SPAG9: variants seen among roughly 807,000 people sequenced by gnomAD.
The protein encoded by SPAG9 is sperm associated antigen 9.
In SPAG9, 35 loss-of-function variants were observed where a neutral mutation model predicts 166.5. The observed-to-expected ratio is 0.21, with a 90% CI of 0.16 to 0.28. The LOEUF (loss-of-function observed/expected upper bound fraction) is 0.28, where lower values mean the gene tolerates loss of function less well. SPAG9 is among the 10% of genes least tolerant of loss of function. The pLI, the probability that SPAG9 is intolerant of heterozygous loss-of-function variation, is 1.00. For missense variants in SPAG9, 1,235 were observed against 1,603.3 expected (o/e 0.77, Z 3.92); for synonymous variants, 534 against 565.5 (o/e 0.94, Z 0.79).
Position 50,984,990 on chromosome 17 carries a change from T to C in SPAG9, c.3021A>G (p.Val1007=). 1 of 1,614,088 alleles carries C rather than the reference T, an allele frequency of 6.2e-7. No homozygotes were observed. Among genetic ancestry groups the C allele is most frequent in the Non-Finnish European group, 8.5e-7 (1 of 1,179,964 alleles). The change falls in exon 24 of 30, where the codon GTA becomes GTG. Residue 1007 remains valine, a splice_region_variant and synonymous_variant. Transcript: ENST00000262013. The part of the protein sequence containing the change: ...IKLKDSILSI[V]HVKGIVLVAL... ...CTACTAACACGATTCCCTTCACGTG[T>C]CTGCAAACAGGAAAGGGGAGTTCAG...
intron 15 of SPAG9, among the ~76,000 whole-genome samples, chr17:50,997,354 T>C (rs1224177834): frequency 6.6e-6 from 1 of 152,162 alleles, no homozygotes; most frequent in Non-Finnish European, 1.5e-5. Flanking sequence ...TGTTGTTCAT[T>C]CAACAAATAT....
intron 6 of SPAG9, among the ~76,000 whole-genome samples, chr17:51,021,803 A>G (rs2144186785): frequency 6.7e-6 from 1 of 148,332 alleles, no homozygotes; most frequent in South Asian, 2.2e-4. Flanking sequence ...TGGTATTAAA[A>G]TATCCTGCAT....
intron 2 of SPAG9, among the ~76,000 whole-genome samples, chr17:51,069,583 T>C (rs142398061): frequency 1.1e-4 from 17 of 152,210 alleles, no homozygotes; most frequent in South Asian, 4.1e-4. Flanking sequence ...TTTAATTCCT[T>C]TAAATAAATT....
intron 2 of SPAG9, among the ~76,000 whole-genome samples, chr17:51,069,941 AAAG>A (rs752612151): frequency 1.8e-4 from 27 of 152,180 alleles, no homozygotes; most frequent in African/African-American, 6.5e-4. Context: ...GGGCGGAATT[AAAG>A]AAGAGTCTAA....
At chr17:50,971,924 C>T (rs537315624) in intron 28 of SPAG9, among the ~76,000 whole-genome samples, 5 of 152,154 alleles carry the variant, frequency 3.3e-5, no homozygotes, top group South Asian at 2.1e-4. Context: ...CCTGCCACAA[C>T]GCCCGGCTAA....
At chr17:51,048,328 T>G (rs144871027) in intron 3 of SPAG9, among the ~76,000 whole-genome samples, 3 of 152,014 alleles carry the variant, frequency 2.0e-5, no homozygotes, top group Non-Finnish European at 4.4e-5. Flanking sequence ...ACTAACATGA[T>G]ATGAATAAGA....
intron 12 of SPAG9, among the ~76,000 whole-genome samples, chr17:51,004,302 A>G (rs1320655942): frequency 6.6e-6 from 1 of 152,168 alleles, no homozygotes; most frequent in African/African-American, 2.4e-5. Flanking sequence ...ATGATTCATA[A>G]CCTGCATGTC....
At chr17:51,047,498 T>C (rs1381339160) in intron 3 of SPAG9, 29 bp from the exon 4 acceptor site, 8 of 1,038,340 alleles carry the variant, frequency 7.7e-6, no homozygotes, top group Non-Finnish European at 8.6e-6. Flanking sequence ...AAATACACAA[T>C]ATTTAAGGCT....
At chr17:51,117,981 AAT>A (rs2049342445) in intron 1 of SPAG9, among the ~76,000 whole-genome samples, 2 of 151,720 alleles carry the variant, frequency 1.3e-5, no homozygotes, top group African/African-American at 4.8e-5. Flanking sequence ...TAAAATACAA[AAT>A]ATATATACAT....
chr17:51,036,139 C>T (rs1197834422), intron 5 of SPAG9, among the ~76,000 whole-genome samples: 2 of 152,006 alleles, frequency 1.3e-5, no homozygotes, highest in African/African-American at 4.8e-5. Context: ...TCTATTGAAC[C>T]CTTCTTGTAA....
chr17:51,077,097 T>TATCTAGCTAGCTAG (rs1568065850), intron 2 of SPAG9, among the ~76,000 whole-genome samples: 1 of 115,668 alleles, frequency 8.6e-6, no homozygotes, highest in African/African-American at 3.4e-5. Context: ...TAGCTATCTA[T>TATCTAGCTAGCTAG]CTAGCTAGCT....
intron 5 of SPAG9, among the ~76,000 whole-genome samples, chr17:51,033,754 G>A (rs2046473998): frequency 6.6e-6 from 1 of 152,208 alleles, no homozygotes; most frequent in Non-Finnish European, 1.5e-5. Flanking sequence ...ATGGCATTGT[G>A]CCTAACACAG....
intron 4 of SPAG9, among the ~76,000 whole-genome samples, chr17:51,042,349 A>G (rs2046871293): frequency 6.6e-6 from 1 of 152,202 alleles, no homozygotes. Context: ...GTTTCAATGA[A>G]CAAGAGTTAC....
At chr17:51,104,060 G>T (rs576889352) in intron 1 of SPAG9, among the ~76,000 whole-genome samples, 1 of 152,288 alleles carries the variant, frequency 6.6e-6, no homozygotes, top group African/African-American at 2.4e-5. Context: ...ATGGGAATGA[G>T]GAAGAGTTAG....
At chr17:51,070,386 T>C (rs2047791146) in intron 2 of SPAG9, among the ~76,000 whole-genome samples, 1 of 152,246 alleles carries the variant, frequency 6.6e-6, no homozygotes, top group Non-Finnish European at 1.5e-5. Context: ...ACTTCTCCAA[T>C]TCTATTGACA....
chr17:50,992,005 G>A (rs1038990746), intron 19 of SPAG9, among the ~76,000 whole-genome samples: 45 of 132,734 alleles, frequency 3.4e-4, no homozygotes, highest in African/African-American at 1.2e-3. Flanking sequence ...TGGTGCAATC[G>A]TAGCTCACTG....
intron 8 of SPAG9, among the ~76,000 whole-genome samples, chr17:51,018,394 C>T (rs1330019413): frequency 6.6e-6 from 1 of 152,000 alleles, no homozygotes; most frequent in Non-Finnish European, 1.5e-5. Flanking sequence ...TAACTATTTT[C>T]TTCCTACCAC....
Position 51,041,570 on chromosome 17 carries a change from T to C in SPAG9, c.672A>G (p.Gly224=), listed in dbSNP as rs757244763. 7 of 1,613,876 alleles carry C rather than the reference T, an allele frequency of 4.3e-6. No homozygotes were observed. The South Asian group carries it at 7.7e-5, about 18-fold the overall frequency. Residue 224 remains glycine, a synonymous_variant, in exon 5 of 30, where the codon GGA becomes GGG. Transcript: ENST00000262013. The stretch of plus-strand genomic sequence containing the variant: ...TCCATTGCTCAGATCCAGGGGTCTC[T>C]CCTCCTTTCTGAGCATCAGGTGTAA... ...GLLTPDAQKG[G]ETPGSEQWKF...
Position 51,022,122 on chromosome 17 carries a change from CA to C in SPAG9, c.784-758del, listed in dbSNP as rs747116014. On this transcript the variant is annotated intron_variant, in intron 6 of 29. Coordinates refer to ENST00000262013, the MANE Select transcript of SPAG9 (RefSeq NM_001130528.3). Reference sequence around the variant, plus strand: ...TCAGCAACGGAGCTAGACTCCATCTCAAAAAAAAAAAAAAAAAAAAGCGGGG... The same window carrying C: ...TCAGCAACGGAGCTAGACTCCATCTCAAAAAAAAAAAAAAAAAAAGCGGGG... Among the ~76,000 whole-genome samples the C allele has an allele frequency of 0.013, 653 of 48,468 alleles. 7 individuals are homozygous for C. In the East Asian group the frequency reaches 0.15, roughly 11 times the overall value. 31.8% of individuals were successfully genotyped at this position (48,468 alleles called of 152,430 possible).
Sources: allele counts gnomAD v4.1 joint callset (sites outside exome capture counted in the v4.1 genomes callset), GRCh38; gene constraint gnomAD v4.1.1; transcripts MANE v1.5; gene names NCBI Gene and HGNC (gene_info 2026-07-23, HGNC 2026-07-21).